Variants in MYRFL observed in about 807,000 individuals in gnomAD.
The protein encoded by MYRFL is myelin regulatory factor-like protein.
MYRFL carries 88 observed loss-of-function variants against 109.4 expected under a neutral mutation model. That is an observed-to-expected ratio of 0.80 (90% confidence interval 0.68 to 0.96). MYRFL has a LOEUF of 0.96. MYRFL is among the 40% of genes least tolerant of loss of function. The pLI is 0.00. For synonymous variants in MYRFL, 324 were observed against 320.9 expected (o/e 1.01, Z -0.10); for missense variants, 957 against 954.9 (o/e 1.00, Z -0.03).
intron 2 of MYRFL, among the ~76,000 whole-genome samples, chr12:69,878,708 A>G (rs984063766): frequency 6.6e-6 from 1 of 152,170 alleles, no homozygotes; most frequent in African/African-American, 2.4e-5. Context: ...TTTAATTCTC[A>G]CAACAATGCT....
rs2136341370 is a variant in MYRFL at position 69,895,375 on chromosome 12, GACCT to G, written c.988_991del (p.Leu330TrpfsTer8). On this transcript the variant is annotated frameshift_variant, in exon 9 of 25. Transcript: ENST00000552032. LOFTEE classifies it high-confidence loss of function. ...TTTTTTTGCTGTTTGTTTTAGAATT[GACCT>G]ACTGGCTGACCAGGTCACCAAAGTA... is the stretch of plus-strand genomic sequence containing the variant. 6.6e-7 allele frequency: 1 copy of G among 1,507,302 alleles called. No individual in the cohort carries two copies. The highest frequency in any genetic ancestry group is 2.5e-5 in the East Asian group (1 of 40,662). The allele number at this position is 1,507,302 out of a possible 1,614,324, so 93.4% of individuals were successfully genotyped here.
chr12:69,905,391 T>A (rs999088410), intron 11 of MYRFL, among the ~76,000 whole-genome samples: 2 of 152,198 alleles, frequency 1.3e-5, no homozygotes, highest in Non-Finnish European at 2.9e-5. Context: ...TAAAAAGCCT[T>A]CTCCATCTAA....
At chr12:69,853,364 G>A (rs1280706868) in intron 1 of MYRFL, among the ~76,000 whole-genome samples, 1 of 151,098 alleles carries the variant, frequency 6.6e-6, no homozygotes, top group Non-Finnish European at 1.5e-5. Flanking sequence ...CAGATGAAGC[G>A]GCTGCCGGGC....
At chr12:69,840,185 T>A (rs1883164912) in intron 1 of MYRFL, among the ~76,000 whole-genome samples, 1 of 152,242 alleles carries the variant, frequency 6.6e-6, no homozygotes, top group Non-Finnish European at 1.5e-5. Context: ...CGCTTTCTAC[T>A]ATATTGTACC....
In MYRFL at chr12:69,880,253, T is replaced by G. The variant is rs1318257748; in HGVS notation, c.517T>G (p.Ser173Ala). Residue 173 changes from serine to alanine, a missense_variant, in exon 5 of 25, where the codon TCC (serine) becomes GCC (alanine). By Grantham distance (99) the Ser-to-Ala change is moderately conservative. Coordinates refer to ENST00000552032, the MANE Select transcript of MYRFL (RefSeq NM_182530.3). The stretch of plus-strand genomic sequence containing the variant: ...AAAGTGCACGCAGGCACTGGAGGAC[T>G]CCGGGGAATGCCGAGTGTGGGCCTG... ...KRKCTQALED[S>A]GECRVWACHC... The G allele has an allele frequency of 2.8e-6, 2 of 702,598 alleles. No individual in the cohort carries two copies. The highest frequency in any genetic ancestry group is 2.7e-5 in the East Asian group (1 of 37,300). The allele number at this position is 702,598 out of a possible 1,614,324, so 43.5% of individuals were successfully genotyped here. A position where few individuals can be genotyped will look rare whatever the true frequency, so the allele number is the denominator to read the frequency against.
chr12:69,926,932 G>GTTTTTTTTT (rs1336716063), intron 14 of MYRFL, among the ~76,000 whole-genome samples, 198 bp downstream of exon 14: 1,853 of 76,844 alleles, frequency 0.024, 676 homozygotes, highest in Non-Finnish European at 0.037. Context: ...TTCTGTTGCT[G>GTTTTTTTTT]GTTTTTTTTT....
At chr12:69,937,958 A>G (rs928697531) in intron 19 of MYRFL, among the ~76,000 whole-genome samples, 12 of 151,788 alleles carry the variant, frequency 7.9e-5, no homozygotes, top group Admixed American at 2.0e-4. Flanking sequence ...ACAAGCCTAC[A>G]AACGAGGTGC....
intron 22 of MYRFL, among the ~76,000 whole-genome samples, chr12:69,955,926 T>G (rs979195740): frequency 3.9e-5 from 6 of 152,072 alleles, no homozygotes; most frequent in Non-Finnish European, 8.8e-5. Flanking sequence ...AATTCTGTGA[T>G]CTTGGACAAG....
rs923626691 is a variant in MYRFL at position 69,910,888 on chromosome 12, C to T, written c.1560C>T (p.Cys520=). The change falls in exon 13 of 25, where the codon TGC becomes TGT. Residue 520 remains cysteine (C), a synonymous_variant. Coordinates refer to ENST00000552032, the MANE Select transcript of MYRFL (RefSeq NM_182530.3). ...TAAGAGAGGTTGGTGATGTCACCTG[C>T]GGAAACGGAGAGACCTTGGAGAACT... ...RAVREVGDVT[C]GNGETLENFL... 9.1e-6 allele frequency: 14 copies of T among 1,534,902 alleles called. No individual in the cohort carries two copies. In the African/African-American group the frequency reaches 9.6e-5, roughly 11 times the overall value.
chr12:69,891,328 T>C (rs1327866031), intron 7 of MYRFL, among the ~76,000 whole-genome samples, 162 bp downstream of exon 7: 1 of 152,236 alleles, frequency 6.6e-6, no homozygotes, highest in Non-Finnish European at 1.5e-5. Flanking sequence ...TGACAACTCA[T>C]CTTTGTTCAG....
intron 1 of MYRFL, among the ~76,000 whole-genome samples, chr12:69,853,972 G>T (rs918099370): frequency 3.3e-5 from 5 of 152,326 alleles, no homozygotes; most frequent in African/African-American, 1.2e-4. Flanking sequence ...TGCAATCTCG[G>T]CACTTTGGGA....
intron 2 of MYRFL, among the ~76,000 whole-genome samples, chr12:69,873,610 G>A (rs575215481): frequency 6.6e-6 from 1 of 152,326 alleles, no homozygotes; most frequent in South Asian, 2.1e-4. Flanking sequence ...TGGGTGGGTA[G>A]TGGATACAGT....
chr12:69,939,982 T>G (rs1090650), intron 19 of MYRFL, among the ~76,000 whole-genome samples: 3 of 151,778 alleles, frequency 2.0e-5, no homozygotes, highest in African/African-American at 4.8e-5. Context: ...TGAAATGAAG[T>G]GAGAAGGAAA....
chr12:69,942,047 C>A (rs1184263137), intron 19 of MYRFL, among the ~76,000 whole-genome samples: 1 of 148,610 alleles, frequency 6.7e-6, no homozygotes, highest in Admixed American at 6.7e-5. Flanking sequence ...TAATCAATAG[C>A]TTACCAACCA....
intron 15 of MYRFL, among the ~76,000 whole-genome samples, chr12:69,928,160 TA>T (rs1358859890): frequency 6.6e-6 from 1 of 152,224 alleles, no homozygotes; most frequent in African/African-American, 2.4e-5. Context: ...TATTTGGTAC[TA>T]AATATGCAAA....
At chr12:69,888,346 C>G (rs964072043) in intron 6 of MYRFL, among the ~76,000 whole-genome samples, 2 of 152,156 alleles carry the variant, frequency 1.3e-5, no homozygotes, top group African/African-American at 4.8e-5. Context: ...ATCAATGAGA[C>G]AGAAAAACAC....
intron 1 of MYRFL, among the ~76,000 whole-genome samples, chr12:69,851,744 A>G (rs1592700708): frequency 6.6e-6 from 1 of 152,312 alleles, no homozygotes; most frequent in African/African-American, 2.4e-5. Flanking sequence ...CTGTAGCCTC[A>G]ACCTCCCGGG....
intron 1 of MYRFL, among the ~76,000 whole-genome samples, chr12:69,846,841 A>G (rs1883585342): frequency 6.6e-6 from 1 of 151,592 alleles, no homozygotes; most frequent in Non-Finnish European, 1.5e-5. Context: ...CTATTTCTCC[A>G]CATCCTCTCC....
intron 13 of MYRFL, among the ~76,000 whole-genome samples, chr12:69,912,588 A>G (rs1954605692): frequency 6.6e-6 from 1 of 152,048 alleles, no homozygotes; most frequent in African/African-American, 2.4e-5. Context: ...GGCTTATTTC[A>G]CTTAGCTTAA....
Sources: allele counts gnomAD v4.1 joint callset (sites outside exome capture counted in the v4.1 genomes callset), GRCh38; gene constraint gnomAD v4.1.1; transcripts MANE v1.5; gene names NCBI Gene and HGNC (gene_info 2026-07-23, HGNC 2026-07-21).